The following EYS variants were observed in gnomAD, a reference collection of about 807,000 sequenced individuals.
The protein encoded by EYS is protein eyes shut homolog.
A neutral mutation model predicts 282.1 loss-of-function variants in EYS; 250 were observed. The observed-to-expected ratio is 0.89, with a 90% CI of 0.80 to 0.98. EYS has a LOEUF of 0.98. EYS is among the 50% of genes least tolerant of loss of function. EYS has a pLI of 0.00. For synonymous variants in EYS, 1,355 were observed against 1,282.9 expected (o/e 1.06, Z -1.20); for missense variants, 4,016 against 3,709.0 (o/e 1.08, Z -2.15).
intron 13 of EYS, among the ~76,000 whole-genome samples, chr6:65,011,976 A>G (rs1169111436): frequency 6.6e-6 from 1 of 152,152 alleles, no homozygotes; most frequent in Non-Finnish European, 1.5e-5. Context: ...CAAAAAAAAG[A>G]AAGTAGATTA....
In EYS at chr6:65,369,750, C is replaced by T. The variant is rs955510163; in HGVS notation, c.1299+14636G>A. Among the ~76,000 whole-genome samples the T allele has an allele frequency of 7.3e-5, 11 of 151,400 alleles. 1 individual carries two copies. Among genetic ancestry groups the T allele is most frequent in the African/African-American group, 1.5e-4 (6 of 41,236 alleles). ...AGCAAACTTGGCTTCTATAGCCAAA[C>T]GCCAGTAGCAGCCCTGATCTCTACT... On this transcript the variant is annotated intron_variant, in intron 8 of 42. Coordinates refer to ENST00000503581, the MANE Select transcript of EYS (RefSeq NM_001142800.2).
intron 35 of EYS, among the ~76,000 whole-genome samples, chr6:63,929,345 C>T (rs886184721): frequency 1.3e-5 from 2 of 152,180 alleles, no homozygotes; most frequent in African/African-American, 4.8e-5. Context: ...TTGATTCTCA[C>T]TTGCCTCAAG....
intron 33 of EYS, among the ~76,000 whole-genome samples, chr6:64,005,245 G>A (rs558830173): frequency 3.6e-4 from 55 of 152,048 alleles, no homozygotes; most frequent in African/African-American, 1.0e-3. Flanking sequence ...ATATGCTTTC[G>A]GCCACAAGTA....
chr6:64,905,879 C>A (rs1477372122), intron 16 of EYS, among the ~76,000 whole-genome samples: 1 of 151,898 alleles, frequency 6.6e-6, no homozygotes, highest in Non-Finnish European at 1.5e-5. Flanking sequence ...GGGAAAAAAA[C>A]TAGTGTATAC....
At chr6:65,575,809 AC>A (rs1764644048) in intron 2 of EYS, among the ~76,000 whole-genome samples, 1 of 152,116 alleles carries the variant, frequency 6.6e-6, no homozygotes, top group Admixed American at 6.6e-5. Flanking sequence ...ACCACTTTAA[AC>A]AATTATACAC....
At chr6:64,584,928 T>C (rs1445839313) in intron 26 of EYS, among the ~76,000 whole-genome samples, 1 of 152,132 alleles carries the variant, frequency 6.6e-6, no homozygotes, top group Non-Finnish European at 1.5e-5. Context: ...ATTTTCAATT[T>C]TGAGATTAAA....
At position 65,313,321 on chromosome 6, in the gene EYS, G is replaced by A. The variant is rs1469721626; in HGVS notation, c.1767-17202C>T. On this transcript the variant is annotated intron_variant, in intron 11 of 42. Transcript: ENST00000503581. ...AGTTTATATCTGGGAAATAATAGGA[G>A]GGTTTAGAGTAAAGAAGTGACCCGA... 2.0e-5 allele frequency among the ~76,000 whole-genome samples: 3 copies of A among 151,446 alleles called. No homozygotes were observed. The East Asian group carries it at 5.9e-4, about 30-fold the overall frequency.
At chr6:64,207,206 A>G (rs1213221382) in intron 31 of EYS, among the ~76,000 whole-genome samples, 1 of 151,696 alleles carries the variant, frequency 6.6e-6, no homozygotes, top group East Asian at 1.9e-4. Context: ...GGAGTGGGTT[A>G]ATTATTATGG....
chr6:65,060,178 A>T (rs991088461), intron 12 of EYS, among the ~76,000 whole-genome samples: 5 of 151,972 alleles, frequency 3.3e-5, no homozygotes, highest in Non-Finnish European at 7.4e-5. Flanking sequence ...GAGGATAAAG[A>T]ATTTATGATC....
intron 26 of EYS, among the ~76,000 whole-genome samples, chr6:64,560,517 A>C (rs1022848949): frequency 1.3e-5 from 2 of 152,028 alleles, no homozygotes; most frequent in Non-Finnish European, 2.9e-5. Flanking sequence ...TTATTCTCTC[A>C]ATTTCCCATG....
intron 19 of EYS, among the ~76,000 whole-genome samples, chr6:64,861,646 T>A (rs1766242881): frequency 6.6e-6 from 1 of 152,192 alleles, no homozygotes; most frequent in South Asian, 2.1e-4. Flanking sequence ...TCCTAACTCC[T>A]ATCACAAGTC....
intron 22 of EYS, among the ~76,000 whole-genome samples, chr6:64,690,420 C>T (rs1330860976): frequency 2.6e-5 from 4 of 152,082 alleles, no homozygotes; most frequent in Non-Finnish European, 5.9e-5. Context: ...GACAGTGTGG[C>T]GATTCCTCAA....
intron 35 of EYS, among the ~76,000 whole-genome samples, chr6:63,865,502 C>G (rs1772650409): frequency 6.6e-6 from 1 of 151,792 alleles, no homozygotes; most frequent in African/African-American, 2.4e-5. Flanking sequence ...GTTCATACAC[C>G]TTGCCATATA....
chr6:64,643,069 C>T (rs1768221392), intron 22 of EYS, among the ~76,000 whole-genome samples: 1 of 150,328 alleles, frequency 6.7e-6, no homozygotes, highest in Non-Finnish European at 1.5e-5. Flanking sequence ...GAGCCGAGAT[C>T]ATGCCATTGC....
chr6:65,447,243 T>A (rs1452032307), intron 5 of EYS, among the ~76,000 whole-genome samples: 1 of 150,338 alleles, frequency 6.7e-6, no homozygotes, highest in Non-Finnish European at 1.5e-5. Flanking sequence ...GGTACCAATA[T>A]TGGCTTTTCT....
At chr6:64,108,493 G>A (rs1445301827) in intron 31 of EYS, among the ~76,000 whole-genome samples, 1 of 142,250 alleles carries the variant, frequency 7.0e-6, no homozygotes, top group Non-Finnish European at 1.5e-5. Context: ...CTGGAAATCA[G>A]AAGTCCACTA....
At chr6:64,910,453 T>C (rs9445436) in intron 16 of EYS, among the ~76,000 whole-genome samples, 97,394 of 151,796 alleles carry the variant, frequency 0.64, 31,987 homozygotes, top group African/African-American at 0.79. Context: ...TACAGAAACA[T>C]ACTCCACAAT....
At chr6:63,825,616 G>A (rs187761609) in intron 36 of EYS, among the ~76,000 whole-genome samples, 7 of 152,284 alleles carry the variant, frequency 4.6e-5, no homozygotes, top group African/African-American at 7.2e-5. Context: ...AGGTAGACTC[G>A]CTGGATGGTT....
At chr6:65,451,164 T>C (rs1046665996) in intron 5 of EYS, among the ~76,000 whole-genome samples, 2 of 152,078 alleles carry the variant, frequency 1.3e-5, no homozygotes, top group South Asian at 2.1e-4. Flanking sequence ...TCTAGATTAA[T>C]AGAAAGACAA....
Sources: gnomAD v4.1 joint callset for allele counts (sites outside exome capture counted in the v4.1 genomes callset) on GRCh38, gnomAD v4.1.1 for gene constraint, MANE v1.5 for transcripts, NCBI Gene and HGNC (gene_info 2026-07-23, HGNC 2026-07-21) for gene names.